The following IMMP2L variants were observed in gnomAD, a reference collection of about 807,000 sequenced individuals.
The protein encoded by IMMP2L is mitochondrial inner membrane protease subunit 2.
In IMMP2L, 18 loss-of-function variants were observed where a neutral mutation model predicts 19.3. The observed-to-expected ratio is 0.93, with a 90% CI of 0.64 to 1.38. IMMP2L has a LOEUF of 1.38. Among genes scored for constraint, IMMP2L ranks in the 40% most tolerant of loss-of-function variants. The pLI, the probability that IMMP2L is intolerant of heterozygous loss-of-function variation, is 0.00. For missense variants in IMMP2L, 233 were observed against 218.2 expected (o/e 1.07, Z -0.43); for synonymous variants, 76 against 73.0 (o/e 1.04, Z -0.21).
intron 5 of IMMP2L, among the ~76,000 whole-genome samples, chr7:110,843,974 C>T (rs1478034051): frequency 1.3e-5 from 2 of 152,258 alleles, no homozygotes; most frequent in South Asian, 4.1e-4. Flanking sequence ...CAGACTGTTA[C>T]AGACTGGGTT....
intron 3 of IMMP2L, among the ~76,000 whole-genome samples, chr7:111,309,198 T>C (rs1823224326): frequency 6.6e-6 from 1 of 152,164 alleles, no homozygotes; most frequent in Non-Finnish European, 1.5e-5. Flanking sequence ...ACAATTGTTT[T>C]CATTATTTGC....
Position 111,104,479 on chromosome 7 carries a change from AC to A in IMMP2L, c.240-140915del, listed in dbSNP as rs1388730957. Among the ~76,000 whole-genome samples the A allele has an allele frequency of 3.9e-5, 6 of 151,978 alleles. No homozygotes were observed. In the East Asian group the frequency reaches 1.2e-3, roughly 29 times the overall value. On this transcript the variant is annotated intron_variant, in intron 3 of 5. Transcript: ENST00000405709. Reference sequence around the variant, plus strand: ...ATATGATGTCACTTTAGTAACTAATACCATCACTTCTATTGAAGCTGATATC... The same window carrying A: ...ATATGATGTCACTTTAGTAACTAATACATCACTTCTATTGAAGCTGATATC...
intron 3 of IMMP2L, among the ~76,000 whole-genome samples, chr7:111,063,420 G>A (rs1178026608): frequency 1.3e-5 from 2 of 152,294 alleles, no homozygotes; most frequent in African/African-American, 2.4e-5. Context: ...GGGACAGGCT[G>A]CTGTGAAGAC....
At chr7:111,511,970 G>A (rs920419043) in intron 2 of IMMP2L, among the ~76,000 whole-genome samples, 1 of 152,056 alleles carries the variant, frequency 6.6e-6, no homozygotes, top group African/African-American at 2.4e-5. Flanking sequence ...CCAGTTAGTT[G>A]AGCAATTTCT....
chr7:111,124,371 G>A (rs17853394), intron 3 of IMMP2L: 1 of 1,613,662 alleles, frequency 6.2e-7, no homozygotes, highest in South Asian at 1.1e-5. Flanking sequence ...GAGATATTCA[G>A]GCCAATTCAG....
chr7:111,462,629 A>AC (rs1295888015), intron 3 of IMMP2L, among the ~76,000 whole-genome samples: 2 of 152,128 alleles, frequency 1.3e-5, no homozygotes, highest in Non-Finnish European at 2.9e-5. Flanking sequence ...ATCATCTCAA[A>AC]CATTTATCAT....
chr7:111,041,891 C>T (rs1319203368), intron 3 of IMMP2L, among the ~76,000 whole-genome samples: 1 of 152,180 alleles, frequency 6.6e-6, no homozygotes, highest in Non-Finnish European at 1.5e-5. Flanking sequence ...AGTTTGAATG[C>T]TAAGTCTACC....
chr7:111,137,021 T>C (rs1442126148), intron 3 of IMMP2L, among the ~76,000 whole-genome samples: 2 of 152,120 alleles, frequency 1.3e-5, no homozygotes, highest in East Asian at 1.9e-4. Context: ...CTTGCTGTTA[T>C]TATCATAACA....
At chr7:110,694,404 C>T (rs2130572657) in intron 5 of IMMP2L, among the ~76,000 whole-genome samples, 1 of 151,134 alleles carries the variant, frequency 6.6e-6, no homozygotes, top group African/African-American at 2.4e-5. Context: ...AAAAAAAGAA[C>T]AATATACATG....
intron 3 of IMMP2L, among the ~76,000 whole-genome samples, chr7:111,406,048 T>G (rs1833877690): frequency 6.6e-6 from 1 of 152,046 alleles, no homozygotes; most frequent in African/African-American, 2.4e-5. Context: ...ATTACCCAAA[T>G]TCTATCTTCA....
At chr7:111,433,368 G>C (rs1221352023) in intron 3 of IMMP2L, among the ~76,000 whole-genome samples, 1 of 151,832 alleles carries the variant, frequency 6.6e-6, no homozygotes, top group Non-Finnish European at 1.5e-5. Flanking sequence ...GGCTGGGGAA[G>C]CCTCACAATC....
At chr7:111,554,602 T>G (rs1247990030) in intron 1 of IMMP2L, among the ~76,000 whole-genome samples, 1 of 151,910 alleles carries the variant, frequency 6.6e-6, no homozygotes, top group South Asian at 2.1e-4. Flanking sequence ...CTCAAAGCAT[T>G]GCTTTATTTT....
intron 3 of IMMP2L, among the ~76,000 whole-genome samples, chr7:111,036,725 C>A (rs1008321869): frequency 7.2e-5 from 11 of 152,040 alleles, no homozygotes; most frequent in African/African-American, 2.2e-4. Context: ...CTGTTGAATT[C>A]TATCATATAT....
At chr7:111,362,983 C>T (rs1829405506) in intron 3 of IMMP2L, among the ~76,000 whole-genome samples, 2 of 152,114 alleles carry the variant, frequency 1.3e-5, no homozygotes, top group Admixed American at 1.3e-4. Flanking sequence ...TCAAAATCAA[C>T]TATGTGCAAC....
In IMMP2L at chr7:111,532,243, T is replaced by C. The variant is rs541469236; in HGVS notation, c.-2-10794A>G. Among the ~76,000 whole-genome samples, 9 of 152,288 alleles carry C rather than the reference T, an allele frequency of 5.9e-5. No individual in the cohort carries two copies. In the South Asian group the frequency reaches 1.9e-3, roughly 32 times the overall value. On this transcript the variant is annotated intron_variant, in intron 1 of 5. Transcript: ENST00000405709. The stretch of plus-strand genomic sequence containing the variant: ...CCAAGCTTTGCTGTTCCTTATCTAC[T>C]TTGCTACCTCACATTTTTTCCTACT...
intron 3 of IMMP2L, among the ~76,000 whole-genome samples, chr7:111,474,243 C>T (rs544345207): frequency 4.6e-5 from 7 of 152,136 alleles, no homozygotes; most frequent in African/African-American, 9.6e-5. Context: ...ACCTGGATGA[C>T]GGGATCAATC....
chr7:111,119,008 G>A (rs546029545), intron 3 of IMMP2L, among the ~76,000 whole-genome samples: 2 of 152,172 alleles, frequency 1.3e-5, no homozygotes, highest in Non-Finnish European at 2.9e-5. Flanking sequence ...ACACCCACCA[G>A]GATAATTTCA....
intron 3 of IMMP2L, among the ~76,000 whole-genome samples, chr7:111,229,390 T>C (rs1813477732): frequency 6.6e-6 from 1 of 152,030 alleles, no homozygotes. Context: ...GTATGTGAAA[T>C]GATTTTATCA....
At chr7:110,868,541 C>G (rs1339643514) in intron 5 of IMMP2L, among the ~76,000 whole-genome samples, 1 of 152,050 alleles carries the variant, frequency 6.6e-6, no homozygotes, top group Non-Finnish European at 1.5e-5. Flanking sequence ...CTAGTCTAAT[C>G]TAGACATTCA....
Sources: allele counts gnomAD v4.1 joint callset (sites outside exome capture counted in the v4.1 genomes callset), GRCh38; gene constraint gnomAD v4.1.1; transcripts MANE v1.5; gene names NCBI Gene and HGNC (gene_info 2026-07-23, HGNC 2026-07-21).